The following PTCHD1 variants were observed in gnomAD, a reference collection of about 807,000 sequenced individuals.
The protein encoded by PTCHD1 is patched domain-containing protein 1.
Under a neutral mutation model 34.6 loss-of-function variants are expected in PTCHD1, and 3 were observed. The ratio of observed to expected loss-of-function variants is 0.09; its 90% CI spans 0.04 to 0.22. PTCHD1 has a LOEUF of 0.22. Among genes scored for constraint, PTCHD1 ranks in the 10% least tolerant of loss-of-function variants. The pLI, the probability that PTCHD1 is intolerant of heterozygous loss-of-function variation, is 1.00. For synonymous variants in PTCHD1, 305 were observed against 283.1 expected (o/e 1.08, Z -0.77); for missense variants, 504 against 685.5 (o/e 0.74, Z 2.96).
intron 2 of PTCHD1, among the ~76,000 whole-genome samples, chrX:23,392,074 C>CTTTCTTTTTTTTTT (rs367570857): frequency 2.7e-4 from 14 of 52,346 alleles, no homozygotes; most frequent in African/African-American, 1.4e-3. Flanking sequence ...TTCTTTCTTT[C>CTTTCTTTTTTTTTT]TTTTTTTTTT....
chrX:23,339,582 C>T (rs1396640542), intron 1 of PTCHD1, among the ~76,000 whole-genome samples: 1 of 112,435 alleles, frequency 8.9e-6, no homozygotes, highest in African/African-American at 3.2e-5. Flanking sequence ...TTACTTCAGG[C>T]TTTCCAAGAA....
chrX:23,374,584 A>G (rs961456347), intron 1 of PTCHD1, among the ~76,000 whole-genome samples: 3 of 106,164 alleles, frequency 2.8e-5, no homozygotes, highest in Non-Finnish European at 5.7e-5. Flanking sequence ...AGAATGGGAA[A>G]TCACTCAGAG....
intron 1 of PTCHD1, among the ~76,000 whole-genome samples, chrX:23,337,573 G>A (rs1194791991): frequency 2.7e-5 from 3 of 109,186 alleles, no homozygotes; most frequent in African/African-American, 1.0e-4. Flanking sequence ...CTTTAGGAAA[G>A]GTGTCAGGAG....
In PTCHD1 at chrX:23,363,392, C is replaced by T. The variant is rs777215267; in HGVS notation, c.352-16199C>T. Reference sequence around the variant, plus strand: ...CCATCCCCCTGCCAGGCTGCTACCTCGCAGGTCGATCTCAGACTGCTGTGC... The same window carrying T: ...CCATCCCCCTGCCAGGCTGCTACCTTGCAGGTCGATCTCAGACTGCTGTGC... On this transcript the variant is annotated intron_variant, in intron 1 of 2. Coordinates refer to ENST00000379361, the MANE Select transcript of PTCHD1 (RefSeq NM_173495.3). 1.8e-3 allele frequency among the ~76,000 whole-genome samples: 205 copies of T among 112,863 alleles called. 3 individuals are homozygous for T. The highest frequency in any genetic ancestry group is 6.0e-3 in the African/African-American group (188 of 31,137).
rs1601905212 is a variant in PTCHD1 at position 23,353,118 on chromosome X, T to C, written c.351+17892T>C. 4.4e-5 allele frequency among the ~76,000 whole-genome samples: 5 copies of C among 112,413 alleles called. 1 individual carries two copies. In the Admixed American group the frequency reaches 4.7e-4, roughly 11 times the overall value. On this transcript the variant is annotated intron_variant, in intron 1 of 2. Coordinates refer to ENST00000379361, the MANE Select transcript of PTCHD1 (RefSeq NM_173495.3). The stretch of plus-strand genomic sequence containing the variant: ...TATTCTATATACACACAAAAAAGAA[T>C]GCATGTAAAAACTGGTGAAATCCAA...
chrX:23,364,859 A>G (rs1211231259), intron 1 of PTCHD1, among the ~76,000 whole-genome samples: 1 of 112,735 alleles, frequency 8.9e-6, no homozygotes, highest in Non-Finnish European at 1.9e-5. Flanking sequence ...GCTTCTAACT[A>G]TGTCTCTAAG....
chrX:23,373,547 T>C (rs891610672), intron 1 of PTCHD1, among the ~76,000 whole-genome samples: 2 of 112,815 alleles, frequency 1.8e-5, no homozygotes, highest in Non-Finnish European at 3.7e-5. Context: ...TAACTTGCTT[T>C]TGGCTGCACT....
At chrX:23,368,015 A>T (rs771923794) in intron 1 of PTCHD1, among the ~76,000 whole-genome samples, 1 of 110,628 alleles carries the variant, frequency 9.0e-6, no homozygotes, top group Non-Finnish European at 1.9e-5. Flanking sequence ...ATGATAAATT[A>T]TATGGTCACA....
rs907336359 is a variant in PTCHD1 at position 23,393,135 on chromosome X, T to C, written c.1617T>C (p.Ile539=). The C allele has an allele frequency of 2.5e-6, 3 of 1,211,499 alleles. No individual in the cohort carries two copies. Among genetic ancestry groups the C allele is most frequent in the Admixed American group, 4.3e-5 (2 of 46,046 alleles). The change falls in exon 3 of 3, where the codon ATT becomes ATC. Residue 539 remains isoleucine (I), a synonymous_variant. Transcript: ENST00000379361. ...SNIVATATQT[I]EYTTAQQKYF... ...TTGTAGCAACCGCGACACAAACCATTGAGTACACTACTGCCCAGCAAAAGT... is the reference window on the plus strand; with the variant it reads ...TTGTAGCAACCGCGACACAAACCATCGAGTACACTACTGCCCAGCAAAAGT...
Position 23,400,237 on chromosome X carries a change from C to CT in PTCHD1, c.*6055dup, listed in dbSNP as rs1350816754. 8.9e-6 allele frequency: 1 copy of CT among 112,102 alleles called. No homozygotes were observed. The highest frequency in any genetic ancestry group is 1.9e-5 in the Non-Finnish European group (1 of 53,236). 9.2% of individuals were successfully genotyped at this position (112,102 alleles called of 1,213,427 possible). On this transcript the variant is annotated 3_prime_UTR_variant, in exon 3 of 3. Transcript: ENST00000379361. ...GTGGCTCAAGCCTGTAATCCCAGCA[C>CT]TTTGGGAGGCGGAGGCGGGCAGATC...
chrX:23,374,727 G>A (rs755162159), intron 1 of PTCHD1, among the ~76,000 whole-genome samples: 11 of 111,226 alleles, frequency 9.9e-5, no homozygotes, highest in African/African-American at 3.3e-4. Flanking sequence ...TCAAGTAGCC[G>A]TAATAATGTT....
Position 23,400,424 on chromosome X carries a change from G to C in PTCHD1, c.*6239G>C, listed in dbSNP as rs1194809625. 1 of 112,638 alleles carries C rather than the reference G, an allele frequency of 8.9e-6. No homozygotes were observed. Among genetic ancestry groups the C allele is most frequent in the Non-Finnish European group, 1.9e-5 (1 of 53,333 alleles). 9.3% of individuals were successfully genotyped at this position (112,638 alleles called of 1,213,427 possible). A position where few individuals can be genotyped will look rare whatever the true frequency, so the allele number is the denominator to read the frequency against. On this transcript the variant is annotated 3_prime_UTR_variant, in exon 3 of 3. Coordinates refer to ENST00000379361, the MANE Select transcript of PTCHD1 (RefSeq NM_173495.3). ...ACCCGGGAGGTAGAAGTTGCAGTGA[G>C]CCGAGATTTCACCACTGCCCTCCAG...
At chrX:23,362,272 C>T (rs990861469) in intron 1 of PTCHD1, among the ~76,000 whole-genome samples, 1 of 112,362 alleles carries the variant, frequency 8.9e-6, no homozygotes, top group East Asian at 2.8e-4. Flanking sequence ...TTCTCCCCGT[C>T]ACTTTCAGGT....
chrX:23,376,575 G>A (rs780724187), intron 1 of PTCHD1, among the ~76,000 whole-genome samples: 89 of 112,238 alleles, frequency 7.9e-4, no homozygotes, highest in African/African-American at 1.4e-3. Flanking sequence ...ATCTGCCCAC[G>A]GCTATGTGGA....
rs1923087018 is a variant in PTCHD1, at chrX:23,400,325, T to TA, written c.*6141dup. On this transcript the variant is annotated 3_prime_UTR_variant, in exon 3 of 3. Transcript: ENST00000379361. ...GTGAAACCCCGCCTCTACTAAAAAA[T>TA]ACAAAAAAATTAGCTGGGCGTGGTG... 1 of 110,647 alleles carries TA rather than the reference T, an allele frequency of 9.0e-6. No homozygotes were observed. The highest frequency in any genetic ancestry group is 1.9e-5 in the Non-Finnish European group (1 of 52,808). 9.1% of individuals were successfully genotyped at this position (110,647 alleles called of 1,213,427 possible). A position where few individuals can be genotyped will look rare whatever the true frequency, so the allele number is the denominator to read the frequency against.
intron 1 of PTCHD1, among the ~76,000 whole-genome samples, chrX:23,360,953 G>C (rs5925757): frequency 9.0e-6 from 1 of 110,906 alleles, no homozygotes; most frequent in Non-Finnish European, 1.9e-5. Context: ...CTGTAGTTGC[G>C]TGGTTTTGAG....
intron 2 of PTCHD1, among the ~76,000 whole-genome samples, chrX:23,389,000 T>C (rs1202027564): frequency 8.9e-6 from 1 of 111,797 alleles, no homozygotes; most frequent in Non-Finnish European, 1.9e-5. Flanking sequence ...CAGACCTGAC[T>C]GAAGGAAAAA....
chrX:23,388,152 T>C (rs1922731450), intron 2 of PTCHD1, among the ~76,000 whole-genome samples: 1 of 111,425 alleles, frequency 9.0e-6, no homozygotes, highest in Non-Finnish European at 1.9e-5. Context: ...GGGTCCCTAC[T>C]GACCAAAATC....
In PTCHD1 at chrX:23,336,548, G is replaced by A. The variant is rs138044037; in HGVS notation, c.351+1322G>A. 3.4e-3 allele frequency among the ~76,000 whole-genome samples: 375 copies of A among 111,820 alleles called. 3 individuals are homozygous for A. Among genetic ancestry groups the A allele is most frequent in the Admixed American group, 0.032 (337 of 10,619 alleles). ...TAATTTTCATTATTTTCCTATGTCC[G>A]TTTGTTGACATGTTATCAATTAGCA... On this transcript the variant is annotated intron_variant, in intron 1 of 2. Transcript: ENST00000379361.
Sources: allele counts gnomAD v4.1 joint callset (sites outside exome capture counted in the v4.1 genomes callset), GRCh38; gene constraint gnomAD v4.1.1; transcripts MANE v1.5; gene names NCBI Gene and HGNC (gene_info 2026-07-23, HGNC 2026-07-21).